Variants in GSK3B observed in about 807,000 individuals in gnomAD.
GSK3B encodes glycogen synthase kinase 3 beta.
A neutral mutation model predicts 56.4 loss-of-function variants in GSK3B; 15 were observed. That is an observed-to-expected ratio of 0.27 (90% CI 0.18 to 0.41). The LOEUF is 0.41. Ranked by LOEUF, GSK3B falls within the 10% of genes least tolerant of loss-of-function variation. The pLI, the probability that GSK3B is intolerant of heterozygous loss-of-function variation, is 1.00. For synonymous variants in GSK3B, 181 were observed against 188.9 expected (o/e 0.96, Z 0.34); for missense variants, 300 against 513.4 (o/e 0.58, Z 4.02).
chr3:119,968,950 C>T (rs772508458), intron 2 of GSK3B, among the ~76,000 whole-genome samples: 14 of 152,010 alleles, frequency 9.2e-5, no homozygotes, highest in East Asian at 1.9e-4. Context: ...AATAAGCACC[C>T]GCAAAAATGA....
intron 1 of GSK3B, among the ~76,000 whole-genome samples, chr3:120,006,328 C>A (rs1475353287): frequency 6.6e-6 from 1 of 152,162 alleles, no homozygotes; most frequent in African/African-American, 2.4e-5. Context: ...GACTTTAACA[C>A]CCCACTGTCA....
intron 4 of GSK3B, among the ~76,000 whole-genome samples, chr3:119,921,135 C>T (rs2056836122): frequency 6.6e-6 from 1 of 152,332 alleles, no homozygotes; most frequent in Admixed American, 6.5e-5. Context: ...TACTTTAAAA[C>T]AACAAAACAC....
Position 119,912,774 on chromosome 3 carries a change from C to T in GSK3B, c.645G>A (p.Ser215=), listed in dbSNP as rs199832213. The T allele has an allele frequency of 2.0e-5, 32 of 1,599,122 alleles. No individual in the cohort carries two copies. The highest frequency in any genetic ancestry group is 2.6e-5 in the Non-Finnish European group (30 of 1,169,090). ...KQLVRGEPNV[S]YICSRYYRAP... ...CCCTATAGTACCGAGAACAGATATA[C>T]GAAACATTGGGTTCTCCTCGGACCA... is the stretch of plus-strand genomic sequence containing the variant. The change falls in exon 6 of 11, where the codon TCG becomes TCA. Residue 215 remains serine, a synonymous_variant. Coordinates refer to ENST00000264235, the MANE Select transcript of GSK3B (RefSeq NM_001146156.2).
chr3:119,885,182 T>A (rs1169200902), intron 7 of GSK3B, among the ~76,000 whole-genome samples: 1 of 151,752 alleles, frequency 6.6e-6, no homozygotes, highest in Non-Finnish European at 1.5e-5. Context: ...TAAGTAGCAT[T>A]TCTATACACC....
intron 1 of GSK3B, among the ~76,000 whole-genome samples, chr3:120,010,268 T>C (rs1576268799): frequency 6.6e-6 from 1 of 152,160 alleles, no homozygotes; most frequent in Non-Finnish European, 1.5e-5. Flanking sequence ...AATTCTATGC[T>C]AATCTTAACT....
chr3:120,029,856 T>C (rs923503584), intron 1 of GSK3B: 9 of 550,760 alleles, frequency 1.6e-5, no homozygotes, highest in Non-Finnish European at 3.3e-5. Context: ...AAAAAGGAGG[T>C]GGCTCTAAGT....
intron 1 of GSK3B, chr3:120,084,571 G>A (rs537570082): frequency 2.0e-5 from 3 of 152,250 alleles, no homozygotes; most frequent in African/African-American, 4.8e-5. Flanking sequence ...GAAACCGTAC[G>A]CTCTTAAAGA....
intron 10 of GSK3B, among the ~76,000 whole-genome samples, chr3:119,837,943 CATATATATATAT>C (rs10574860): frequency 2.2e-5 from 3 of 138,598 alleles, no homozygotes; most frequent in East Asian, 2.0e-4. Context: ...TGACCATTCA[CATATATATATAT>C]ATATATATAT....
chr3:119,968,260 G>A (rs1364681633), intron 2 of GSK3B, among the ~76,000 whole-genome samples: 2 of 152,002 alleles, frequency 1.3e-5, no homozygotes, highest in East Asian at 3.9e-4. Flanking sequence ...CCAAAGTGCT[G>A]GGATTACAAG....
intron 1 of GSK3B, among the ~76,000 whole-genome samples, chr3:120,052,139 G>A (rs913728085): frequency 1.3e-5 from 2 of 152,108 alleles, no homozygotes; most frequent in African/African-American, 4.8e-5. Flanking sequence ...CAGAAAACAG[G>A]ATTTTCCATC....
intron 1 of GSK3B, among the ~76,000 whole-genome samples, chr3:120,087,266 T>A (rs1450006884): frequency 6.6e-6 from 1 of 152,052 alleles, no homozygotes; most frequent in Non-Finnish European, 1.5e-5. Context: ...CATGTGGTGG[T>A]TCACGCCTGT....
chr3:119,939,848 C>A (rs1302158760), intron 3 of GSK3B, among the ~76,000 whole-genome samples: 1 of 151,920 alleles, frequency 6.6e-6, no homozygotes, highest in East Asian at 1.9e-4. Context: ...GTAGAGATTT[C>A]TGGTTGGTAC....
intron 1 of GSK3B, among the ~76,000 whole-genome samples, chr3:120,003,932 C>CCGGGT (rs2057701245): frequency 6.6e-6 from 1 of 152,230 alleles, no homozygotes; most frequent in African/African-American, 2.4e-5. Context: ...CGAGCCGAAG[C>CCGGGT]AGGGTGGGGC....
intron 1 of GSK3B, among the ~76,000 whole-genome samples, chr3:120,078,227 A>G (rs938810112): frequency 6.6e-6 from 1 of 152,196 alleles, no homozygotes; most frequent in Non-Finnish European, 1.5e-5. Flanking sequence ...TCTCAGCTAT[A>G]TGTAAGAAAT....
At chr3:120,009,739 G>C in intron 1 of GSK3B, among the ~76,000 whole-genome samples, 1 of 152,080 alleles carries the variant, frequency 6.6e-6, no homozygotes, top group African/African-American at 2.4e-5. Context: ...ACCTAATGTA[G>C]ATGACGGGTT....
At chr3:119,947,764 CTTA>C (rs1157132730) in intron 2 of GSK3B, among the ~76,000 whole-genome samples, 1 of 150,306 alleles carries the variant, frequency 6.7e-6, no homozygotes, top group Non-Finnish European at 1.5e-5. Flanking sequence ...ATAGCTTGAC[CTTA>C]TTGTTTTCTA....
At chr3:119,912,566 T>A (rs1023180316) in intron 6 of GSK3B, 138 bp downstream of exon 6, 19 of 453,204 alleles carry the variant, frequency 4.2e-5, no homozygotes, top group Non-Finnish European at 6.0e-5. Flanking sequence ...CATGTTTGCA[T>A]CTCAAGCTTT....
At position 120,007,348 on chromosome 3, in the gene GSK3B, T is replaced by A. The variant is rs141013902; in HGVS notation, c.89-5109A>T. Among the ~76,000 whole-genome samples, 153 of 152,246 alleles carry A rather than the reference T, an allele frequency of 1.0e-3. 2 individuals carry two copies. The East Asian group carries it at 0.028, about 28-fold the overall frequency. On this transcript the variant is annotated intron_variant, in intron 1 of 10. Transcript: ENST00000264235. ...CCAGAGGTACAAAGAGGAGCTGGTA[T>A]CATTCCTTCTGAAACTGTTCCAATC...
In GSK3B at chr3:119,937,038, CTT is replaced by C. The variant is rs921021687; in HGVS notation, c.366+10228_366+10229del. 3.5e-4 allele frequency among the ~76,000 whole-genome samples: 53 copies of C among 152,034 alleles called. 2 individuals are homozygous for C. The highest frequency in any genetic ancestry group is 3.3e-3 in the Admixed American group (51 of 15,274). On this transcript the variant is annotated intron_variant, in intron 3 of 10. Transcript: ENST00000264235. ...AAAAGACTGAAATCATATGAAATAT[CTT>C]TTCTGACCACAATGAAATGAAACTA...
Sources: gnomAD v4.1 joint callset for allele counts (sites outside exome capture counted in the v4.1 genomes callset) on GRCh38, gnomAD v4.1.1 for gene constraint, MANE v1.5 for transcripts, NCBI Gene and HGNC (gene_info 2026-07-23, HGNC 2026-07-21) for gene names.